Variants in COL24A1 observed in about 807,000 individuals in gnomAD.
COL24A1 encodes the protein collagen alpha-1(XXIV) chain.
A neutral mutation model predicts 253.9 loss-of-function variants in COL24A1; 224 were observed. That is an observed-to-expected ratio of 0.88 (90% CI 0.79 to 0.99). The LOEUF (loss-of-function observed/expected upper bound fraction) is 0.99, where lower values mean the gene tolerates loss of function less well. Ranked by LOEUF, COL24A1 falls within the 50% of genes least tolerant of loss-of-function variation. The pLI, the probability that COL24A1 is intolerant of heterozygous loss-of-function variation, is 0.00. For missense variants in COL24A1, 2,131 were observed against 2,068.5 expected (o/e 1.03, Z -0.59); for synonymous variants, 685 against 673.7 (o/e 1.02, Z -0.26).
At chr1:86,024,745 A>G (rs1479402124) in intron 14 of COL24A1, among the ~76,000 whole-genome samples, 1 of 152,180 alleles carries the variant, frequency 6.6e-6, no homozygotes, top group Admixed American at 6.6e-5. Context: ...AAAACTTATG[A>G]TAGGTTAGAA....
At chr1:85,964,491 T>C (rs570166503) in intron 23 of COL24A1, among the ~76,000 whole-genome samples, 2 of 152,262 alleles carry the variant, frequency 1.3e-5, no homozygotes, top group African/African-American at 4.8e-5. Flanking sequence ...CCAGCAGTTA[T>C]GGTTTATTGC....
At chr1:86,070,544 C>A (rs556960740) in intron 7 of COL24A1, among the ~76,000 whole-genome samples, 16 of 152,134 alleles carry the variant, frequency 1.1e-4, no homozygotes, top group Non-Finnish European at 2.1e-4. Flanking sequence ...AATAATCAAA[C>A]CCTCAAATGT....
chr1:85,881,096 C>T (rs1269452495), intron 32 of COL24A1, among the ~76,000 whole-genome samples: 2 of 152,190 alleles, frequency 1.3e-5, no homozygotes, highest in Non-Finnish European at 2.9e-5. Flanking sequence ...TCTGGAACAG[C>T]TTGTACATAA....
At chr1:85,874,328 T>C (rs1335289012) in intron 35 of COL24A1, among the ~76,000 whole-genome samples, 2 of 152,140 alleles carry the variant, frequency 1.3e-5, no homozygotes, top group Admixed American at 6.6e-5. Context: ...ATTCTGAGAG[T>C]TGTTCACTGG....
chr1:85,902,688 T>C (rs1558592614), intron 28 of COL24A1, among the ~76,000 whole-genome samples: 2 of 152,116 alleles, frequency 1.3e-5, no homozygotes, highest in South Asian at 2.1e-4. Flanking sequence ...CACACTCATA[T>C]GTGGGAGCTA....
At chr1:86,059,634 G>A (rs553274957) in intron 8 of COL24A1, among the ~76,000 whole-genome samples, 1 of 152,292 alleles carries the variant, frequency 6.6e-6, no homozygotes, top group East Asian at 1.9e-4. Flanking sequence ...ACCTTACAGT[G>A]AGTCTGATTA....
intron 48 of COL24A1, among the ~76,000 whole-genome samples, chr1:85,784,615 G>A (rs1475912157): frequency 6.6e-6 from 1 of 152,174 alleles, no homozygotes; most frequent in Admixed American, 6.6e-5. Context: ...GTGGAAAGAA[G>A]AGGGAAGGGG....
chr1:86,090,175 T>G lies in COL24A1; in HGVS notation c.1654-948A>C, dbSNP rs568738326. On this transcript the variant is annotated intron_variant, in intron 6 of 59. Coordinates refer to ENST00000370571, the MANE Select transcript of COL24A1 (RefSeq NM_152890.7). ...GCGCTACCTTTTTTACATTTATTAC[T>G]CTGATAGAAGGAAGATAAAACTGCA... Among the ~76,000 whole-genome samples the G allele has an allele frequency of 2.6e-5, 4 of 152,288 alleles. No individual in the cohort carries two copies. The East Asian group carries it at 7.7e-4, about 29-fold the overall frequency.
rs1362651577 is a variant in COL24A1, at chr1:86,125,834, T to C, written c.502A>G (p.Ile168Val). Reference sequence around the variant, plus strand: ...GAGACACTTTGGTTTCTAATAGTAATGGCAAATGAGTGCCATTGCTCATCA... The same window carrying C: ...GAGACACTTTGGTTTCTAATAGTAACGGCAAATGAGTGCCATTGCTCATCA... ...VHDEQWHSFA[I>V]TIRNQSVSMF... Residue 168 changes from isoleucine to valine, a missense_variant, in exon 3 of 60, where the codon ATT becomes GTT. By Grantham distance (29) the Ile-to-Val change is conservative. Coordinates refer to ENST00000370571, the MANE Select transcript of COL24A1 (RefSeq NM_152890.7). The C allele has an allele frequency of 6.2e-6, 10 of 1,613,258 alleles. No individual in the cohort carries two copies. The highest frequency in any genetic ancestry group is 1.7e-5 in the Admixed American group (1 of 59,826).
chr1:85,799,594 A>C (rs1278085855), intron 47 of COL24A1, among the ~76,000 whole-genome samples: 1 of 152,192 alleles, frequency 6.6e-6, no homozygotes, highest in Admixed American at 6.5e-5. Flanking sequence ...GAACAACAGA[A>C]TGATTCCTTA....
chr1:85,807,406 A>G (rs1672095772), intron 47 of COL24A1, among the ~76,000 whole-genome samples: 1 of 152,202 alleles, frequency 6.6e-6, no homozygotes, highest in South Asian at 2.1e-4. Flanking sequence ...GGAATCCCTG[A>G]GTGGTAGAAT....
chr1:85,837,541 A>T (rs1676137619), intron 43 of COL24A1, among the ~76,000 whole-genome samples: 1 of 152,222 alleles, frequency 6.6e-6, no homozygotes, highest in Non-Finnish European at 1.5e-5. Flanking sequence ...ATGTACAGGG[A>T]TTAGAACTAG....
intron 43 of COL24A1, among the ~76,000 whole-genome samples, chr1:85,828,671 T>C (rs1368852929): frequency 1.6e-5 from 2 of 122,836 alleles, no homozygotes; most frequent in Non-Finnish European, 3.6e-5. Context: ...CCTTTACCAT[T>C]TTGTAATGGC....
intron 19 of COL24A1, among the ~76,000 whole-genome samples, chr1:86,008,959 A>G (rs1170461552): frequency 8.5e-6 from 1 of 117,544 alleles, no homozygotes; most frequent in East Asian, 2.1e-4. Context: ...AGGAATGTTA[A>G]CACAAAAATA....
At chr1:86,058,897 G>A (rs1700857148) in intron 9 of COL24A1, among the ~76,000 whole-genome samples, 1 of 151,966 alleles carries the variant, frequency 6.6e-6, no homozygotes, top group Non-Finnish European at 1.5e-5. Context: ...AGGTTCCATT[G>A]TACATCACAT....
chr1:85,967,125 A>C (rs1212187800), intron 22 of COL24A1, among the ~76,000 whole-genome samples: 1 of 152,166 alleles, frequency 6.6e-6, no homozygotes, highest in East Asian at 1.9e-4. Flanking sequence ...CATCCACAAC[A>C]ACAGGAAAGA....
chr1:86,046,842 C>A lies in COL24A1; in HGVS notation c.1933G>T (p.Gly645Cys). The change falls in exon 12 of 60, where the codon GGT becomes TGT. Residue 645 changes from glycine to cysteine, a missense_variant. Transcript: ENST00000370571. ...TAAGATACCTGTCTCCCCTTAAAACCCTTCTTTCCACGGATCCCAGGAATG... is the reference window on the plus strand; with the variant it reads ...TAAGATACCTGTCTCCCCTTAAAACACTTCTTTCCACGGATCCCAGGAATG... ...RGIPGIRGKK[G>C]FKGRQGFPGD... 6.2e-7 allele frequency: 1 copy of A among 1,608,892 alleles called. No homozygotes were observed. The highest frequency in any genetic ancestry group is 1.7e-4 in the Middle Eastern group (1 of 6,048).
At chr1:85,864,037 A>C (rs569665490) in intron 37 of COL24A1, among the ~76,000 whole-genome samples, 3 of 152,294 alleles carry the variant, frequency 2.0e-5, no homozygotes, top group Middle Eastern at 3.4e-3. Context: ...TTGACCCAGC[A>C]ATCCCATTAC....
chr1:85,925,947 A>C (rs1687146903), intron 24 of COL24A1, among the ~76,000 whole-genome samples: 1 of 152,226 alleles, frequency 6.6e-6, no homozygotes, highest in African/African-American at 2.4e-5. Flanking sequence ...TAATATCCAG[A>C]AACTACAAAG....
Sources: allele counts gnomAD v4.1 joint callset (sites outside exome capture counted in the v4.1 genomes callset), GRCh38; gene constraint gnomAD v4.1.1; transcripts MANE v1.5; gene names NCBI Gene and HGNC (gene_info 2026-07-23, HGNC 2026-07-21).